Variants in OGDHL observed in about 807,000 individuals in gnomAD.
OGDHL encodes the protein oxoglutarate dehydrogenase L, also known as 2-oxoglutarate dehydrogenase-like, mitochondrial.
A neutral mutation model predicts 109.6 loss-of-function variants in OGDHL; 79 were observed. The ratio of observed to expected loss-of-function variants is 0.72; its 90% CI spans 0.60 to 0.87. The LOEUF (loss-of-function observed/expected upper bound fraction) is 0.87. Ranked by LOEUF, OGDHL falls within the 40% of genes least tolerant of loss-of-function variation. The pLI is 0.00. For missense variants in OGDHL, 1,275 were observed against 1,362.2 expected (o/e 0.94, Z 1.01); for synonymous variants, 528 against 537.2 (o/e 0.98, Z 0.24).
intron 3 of OGDHL, among the ~76,000 whole-genome samples, chr10:49,756,161 T>C (rs554087746): frequency 6.6e-6 from 1 of 152,334 alleles, no homozygotes; most frequent in Non-Finnish European, 1.5e-5. Context: ...GAATACCTCC[T>C]GCCAGCAGTT....
intron 2 of OGDHL, among the ~76,000 whole-genome samples, chr10:49,757,959 T>C (rs539940487): frequency 9.2e-5 from 14 of 152,360 alleles, no homozygotes; most frequent in African/African-American, 3.1e-4. Context: ...ATCATGTGAC[T>C]GCACTGCTTT....
Position 49,745,848 on chromosome 10 carries a change from C to T in OGDHL, c.1426G>A (p.Val476Met). Residue 476 changes from valine to methionine, a missense_variant, in exon 11 of 23, where the codon GTG becomes ATG. Transcript: ENST00000374103. Reference sequence around the variant, plus strand: ...AAAGTGTTTCTCCATTCGGCTGCCACACTGCACACATATATCACAGCCTCT... The same window carrying T: ...AAAGTGTTTCTCCATTCGGCTGCCATACTGCACACATATATCACAGCCTCT... The part of the protein sequence containing the change: ...DPEAVIYVCS[V>M]AAEWRNTFNK... The T allele has an allele frequency of 1.9e-6, 3 of 1,614,228 alleles. No individual in the cohort carries two copies. Among genetic ancestry groups the T allele is most frequent in the Non-Finnish European group, 2.5e-6 (3 of 1,180,052 alleles).
intron 3 of OGDHL, among the ~76,000 whole-genome samples, chr10:49,754,254 G>C (rs1842781875): frequency 6.6e-6 from 1 of 152,192 alleles, no homozygotes; most frequent in Non-Finnish European, 1.5e-5. Context: ...AACACCACGA[G>C]TGCTGGGAAT....
chr10:49,760,625 G>A (rs1843212150), intron 1 of OGDHL, among the ~76,000 whole-genome samples: 1 of 152,236 alleles, frequency 6.6e-6, no homozygotes, highest in Admixed American at 6.5e-5. Context: ...GCACCGTCAG[G>A]AGCACTGATT....
At chr10:49,743,476 A>G (rs936649647) in intron 14 of OGDHL, 8 of 168,956 alleles carry the variant, frequency 4.7e-5, no homozygotes, top group Non-Finnish European at 1.0e-4. Context: ...ATACAGCCAC[A>G]GGGGACCCTC....
At chr10:49,743,186 G>A (rs1841921448) in intron 14 of OGDHL, among the ~76,000 whole-genome samples, 1 of 152,236 alleles carries the variant, frequency 6.6e-6, no homozygotes, top group Non-Finnish European at 1.5e-5. Context: ...GGGTGGAGCA[G>A]GTACCACTTG....
Position 49,736,166 on chromosome 10 carries a change from G to C in OGDHL, c.2766C>G (p.Phe922Leu), listed in dbSNP as rs781207590. 1 of 1,595,784 alleles carries C rather than the reference G, an allele frequency of 6.3e-7. No homozygotes were observed. Residue 922 changes from phenylalanine (F) to leucine (L), a missense_variant, in exon 22 of 23, where the codon TTC becomes TTG. Phe to Leu is a conservative substitution (Grantham distance 22). Transcript: ENST00000374103. ...AITRLEQISP[F>L]PFDLIKQEAE... ...CCTCCTGCTTGATCAGGTCGAAGGG[G>C]AATGGAGAGATCTGGGGAGGCAGAA...
intron 6 of OGDHL, among the ~76,000 whole-genome samples, chr10:49,751,537 C>A (rs749547435): frequency 2.0e-5 from 3 of 152,166 alleles, no homozygotes; most frequent in Non-Finnish European, 2.9e-5. Flanking sequence ...AATTTTCTGC[C>A]CAAATGTTCC....
chr10:49,739,397 AAG>A, intron 17 of OGDHL: 1 of 434,892 alleles, frequency 2.3e-6, no homozygotes, highest in Non-Finnish European at 4.1e-6. Flanking sequence ...TATGGATTGG[AAG>A]AGTTAACATT....
rs1218617351 is a variant in OGDHL at position 49,751,909 on chromosome 10, G to A, written c.667C>T (p.Gln223Ter). Residue 223 changes from glutamine to a stop codon, truncating the protein, a stop_gained, in exon 6 of 23, where the codon CAG becomes TAG. Coordinates refer to ENST00000374103, the MANE Select transcript of OGDHL (RefSeq NM_018245.3). LOFTEE classifies it high-confidence loss of function. ...ATCACACCAGGGGTCTCAAACTTCT[G>A]CCGGATCCACTGGCACTGCTCCACA... ...NDVEQCQWIR[Q>*]KFETPGVMQF... 1 of 1,614,150 alleles carries A rather than the reference G, an allele frequency of 6.2e-7. No homozygotes were observed. Among genetic ancestry groups the A allele is most frequent in the Non-Finnish European group, 8.5e-7 (1 of 1,180,024 alleles).
At chr10:49,741,658 C>T (rs1184010794) in intron 15 of OGDHL, among the ~76,000 whole-genome samples, 1 of 150,152 alleles carries the variant, frequency 6.7e-6, no homozygotes, top group Admixed American at 6.6e-5. Context: ...CACACACATA[C>T]ATACACATGC....
chr10:49,749,729 G>A lies in OGDHL; in HGVS notation c.984C>T (p.Asp328=), dbSNP rs35599320. ...CQFDPKLEAA[D]EGSGDVKYHL... ...GGGACCTGGGCATGGCACCCACCTC[G>A]TCCGCCGCCTCCAGCTTGGGGTCAA... The change falls in exon 8 of 23, where the codon GAC becomes GAT. Residue 328 remains aspartate (D), a synonymous_variant. Coordinates refer to ENST00000374103, the MANE Select transcript of OGDHL (RefSeq NM_018245.3). 7.3e-5 allele frequency: 116 copies of A among 1,586,878 alleles called. No individual in the cohort carries two copies. The highest frequency in any genetic ancestry group is 1.7e-4 in the Middle Eastern group (1 of 6,056).
chr10:49,738,458 C>T, intron 17 of OGDHL, 196 bp from the exon 18 acceptor site: 1 of 611,654 alleles, frequency 1.6e-6, no homozygotes, highest in Non-Finnish European at 2.9e-6. Context: ...GGGGTCTGCC[C>T]AGAGCTAGCA....
chr10:49,754,071 C>T (rs867546614), intron 3 of OGDHL, among the ~76,000 whole-genome samples: 1 of 152,120 alleles, frequency 6.6e-6, no homozygotes, highest in Non-Finnish European at 1.5e-5. Flanking sequence ...ATTTGTAGCA[C>T]GTTAGAAGCA....
rs563573069 is a variant in OGDHL at position 49,750,640 on chromosome 10, G to A, written c.896+199C>T. Among the ~76,000 whole-genome samples the A allele has an allele frequency of 9.9e-5, 15 of 152,266 alleles. No individual in the cohort carries two copies. The South Asian group carries it at 1.9e-3, about 19-fold the overall frequency. On this transcript the variant is annotated intron_variant, in intron 7 of 22. Coordinates refer to ENST00000374103, the MANE Select transcript of OGDHL (RefSeq NM_018245.3). ...GTGCCTGATAACCTGGTTAGCACCC[G>A]GCCCCAGGTGACTCTGGCCAAGTAC...
chr10:49,750,750 C>A, intron 7 of OGDHL, 89 bp downstream of exon 7: 1 of 1,467,200 alleles, frequency 6.8e-7, no homozygotes, highest in Non-Finnish European at 9.1e-7. Context: ...CCCACCAACA[C>A]CTCCGCTCTG....
chr10:49,735,802 C>T (rs1415383897), intron 22 of OGDHL, among the ~76,000 whole-genome samples: 8 of 152,196 alleles, frequency 5.3e-5, no homozygotes, highest in South Asian at 4.1e-4. Context: ...ACTACATAAC[C>T]GGCCTAAGAT....
At chr10:49,754,226 A>G (rs1842780659) in intron 3 of OGDHL, among the ~76,000 whole-genome samples, 1 of 152,246 alleles carries the variant, frequency 6.6e-6, no homozygotes. Flanking sequence ...TGTTATACCA[A>G]CATCAAGGCA....
At chr10:49,752,107 C>T (rs1464097113) in intron 5 of OGDHL, 26 bp downstream of exon 5, 3 of 1,610,034 alleles carry the variant, frequency 1.9e-6, no homozygotes, top group South Asian at 2.2e-5. Context: ...GCTTCAGCTG[C>T]ACCCCACACA....
Sources: allele counts gnomAD v4.1 joint callset (sites outside exome capture counted in the v4.1 genomes callset), GRCh38; gene constraint gnomAD v4.1.1; transcripts MANE v1.5; gene names NCBI Gene and HGNC (gene_info 2026-07-23, HGNC 2026-07-21).